ABCA7: variants seen among roughly 807,000 people sequenced by gnomAD.
ABCA7 encodes ATP binding cassette subfamily A member 7.
Under a neutral mutation model 227.6 loss-of-function variants are expected in ABCA7, and 261 were observed. The observed-to-expected ratio is 1.15, with a 90% confidence interval of 1.04 to 1.27. ABCA7 has a LOEUF of 1.27. Ranked by LOEUF, ABCA7 falls within the 50% of genes most tolerant of loss-of-function variation. The pLI, the probability that ABCA7 is intolerant of heterozygous loss-of-function variation, is 0.00. For synonymous variants in ABCA7, 1,488 were observed against 1,279.7 expected, an observed-to-expected ratio of 1.16 and a Z score of -3.47; for missense variants, 3,331 against 2,924.5, an observed-to-expected ratio of 1.14 and a Z score of -3.21.
intron 24 of ABCA7, 44 bp downstream of exon 24, chr19:1,053,575 T>G: frequency 1.3e-6 from 2 of 1,541,218 alleles, no homozygotes; most frequent in Non-Finnish European, 1.7e-6. Context: ...GGAGGAGGGC[T>G]TCCTGGAGGA....
chr19:1,059,077 C>T lies in ABCA7; in HGVS notation c.5455C>T (p.Pro1819Ser), dbSNP rs769453184. 3.1e-6 allele frequency: 5 copies of T among 1,613,096 alleles called. No homozygotes were observed. The South Asian group carries it at 4.4e-5, about 14-fold the overall frequency. ...TGACCGCTTGTGCCTGGGGATTCCC[C>T]CTGGTGAGGTGAGTCCAGGGGTGGA... ...AVDRLCLGIP[P>S]GECFGLLGVN... Residue 1819 changes from proline to serine, a missense_variant, in exon 40 of 47, where the codon CCT (proline) becomes TCT (serine). Transcript: ENST00000263094.
chr19:1,050,009 C>G (rs1289562313), intron 18 of ABCA7, among the ~76,000 whole-genome samples: 4 of 131,676 alleles, frequency 3.0e-5, no homozygotes, highest in Non-Finnish European at 1.6e-5. Context: ...GTGAGCCCCC[C>G]ACCACTTCCT....
chr19:1,049,128 A>T, intron 17 of ABCA7, 123 bp downstream of exon 17: 2 of 1,083,206 alleles, frequency 1.8e-6, no homozygotes, highest in Non-Finnish European at 2.7e-6. Context: ...TGCCCTGAAG[A>T]CACTGCGGTC....
intron 42 of ABCA7, among the ~76,000 whole-genome samples, chr19:1,062,575 C>G (rs2042731697): frequency 3.3e-5 from 5 of 152,172 alleles, no homozygotes; most frequent in African/African-American, 1.2e-4. Context: ...CACGTTGCCC[C>G]TCTCTCCTTG....
intron 42 of ABCA7, among the ~76,000 whole-genome samples, chr19:1,063,184 G>A (rs1245001355): frequency 2.0e-5 from 2 of 102,068 alleles, no homozygotes; most frequent in Admixed American, 2.1e-4. Flanking sequence ...CCATGGCCCC[G>A]CCCCATACTC....
rs527315303 is a variant in ABCA7 at position 1,063,910 on chromosome 19, C to G, written c.5951+47C>G. The G allele has an allele frequency of 6.3e-5, 93 of 1,482,724 alleles. No homozygotes were observed. The African/African-American group carries it at 1.2e-3, about 20-fold the overall frequency. The allele number at this position is 1,482,724 out of a possible 1,614,324, so 91.8% of individuals were successfully genotyped here. A position where few individuals can be genotyped will look rare whatever the true frequency, so the allele number is the denominator to read the frequency against. Reference sequence around the variant, plus strand: ...TGGGCTGTGGTTAAGGTGATCCAGGCCTGGAGAGAGAGCCCCAAAGCACAA... The same window carrying G: ...TGGGCTGTGGTTAAGGTGATCCAGGGCTGGAGAGAGAGCCCCAAAGCACAA... On this transcript the variant is annotated intron_variant, in intron 44 of 46. Transcript: ENST00000263094.
chr19:1,054,520 G>A lies in ABCA7; in HGVS notation c.3727-50G>A. 2 of 1,589,798 alleles carry A rather than the reference G, an allele frequency of 1.3e-6. No individual in the cohort carries two copies. The highest frequency in any genetic ancestry group is 1.7e-6 in the Non-Finnish European group (2 of 1,165,666). On this transcript the variant is annotated intron_variant, in intron 27 of 46. Transcript: ENST00000263094. This position sits in a 1 kb window ranked among gnomAD's most constrained non-coding sequence, Gnocchi z 4.8. Reference sequence around the variant, plus strand: ...AGAGCAGGAGCAGGGACAGGTGCAAGCAAGCCTGGAGGGTGGATGGAAGCA... The same window carrying A: ...AGAGCAGGAGCAGGGACAGGTGCAAACAAGCCTGGAGGGTGGATGGAAGCA...
Position 1,051,043 on chromosome 19 carries a change from T to G in ABCA7, c.2675T>G (p.Leu892Arg). 6.2e-7 allele frequency: 1 copy of G among 1,611,384 alleles called. No individual in the cohort carries two copies. Among genetic ancestry groups the G allele is most frequent in the Non-Finnish European group, 8.5e-7 (1 of 1,179,012 alleles). ...GGCGTCTGTCCTCAGTACAACGTGC[T>G]GTTTGACATGTGCGTCTCGGCAGGC... Reference protein sequence around the residue: ...HLGVCPQYNVLFDMLTVDEHV... With the variant: ...HLGVCPQYNVRFDMLTVDEHV... Residue 892 changes from leucine to arginine, a missense_variant, in exon 19 of 47, where the codon CTG (leucine) becomes CGG (arginine). Physicochemically the swap from Leu to Arg is moderately radical, Grantham distance 102 (BLOSUM62 -2). Transcript: ENST00000263094.
intron 21 of ABCA7, 133 bp downstream of exon 21, chr19:1,051,719 A>G (rs1182336373): frequency 9.5e-7 from 1 of 1,057,986 alleles, no homozygotes; most frequent in Non-Finnish European, 1.3e-6. Flanking sequence ...TTTAGGGGCT[A>G]CTGCTCAAAT....
At chr19:1,044,851 G>C in intron 11 of ABCA7, 107 bp downstream of exon 11, 1 of 1,471,464 alleles carries the variant, frequency 6.8e-7, no homozygotes, top group Non-Finnish European at 9.0e-7. Flanking sequence ...GCCCTAGTAA[G>C]AGCCTGGGAT....
chr19:1,051,630 G>A (rs752479172), intron 21 of ABCA7, 44 bp downstream of exon 21: 5 of 1,574,034 alleles, frequency 3.2e-6, no homozygotes, highest in Non-Finnish European at 4.3e-6. Context: ...AAAGGCTTCT[G>A]ACAAGGAAGT....
Position 1,057,996 on chromosome 19 carries a change from A to G in ABCA7, c.4962A>G (p.Ile1654Met), listed in dbSNP as rs372378216. 3.7e-6 allele frequency: 6 copies of G among 1,614,016 alleles called. No individual in the cohort carries two copies. The highest frequency in any genetic ancestry group is 5.1e-6 in the Non-Finnish European group (6 of 1,180,018). Residue 1654 changes from isoleucine to methionine, a missense_variant, in exon 36 of 47, where the codon ATA becomes ATG. By Grantham distance (10) the Ile-to-Met change is conservative. Coordinates refer to ENST00000263094, the MANE Select transcript of ABCA7 (RefSeq NM_019112.4). ...CAGCCTATGTGGTGCTCACCTGCAT[A>G]AACCTCTTTATTGGCATCAATGGAA... is the stretch of plus-strand genomic sequence containing the variant. ...PSTAYVVLTCINLFIGINGSM... is the reference protein window; with the variant it reads ...PSTAYVVLTCMNLFIGINGSM...
At chr19:1,055,019 C>G in intron 29 of ABCA7, 78 bp from the exon 30 acceptor site, 1 of 1,532,942 alleles carries the variant, frequency 6.5e-7, no homozygotes, top group Non-Finnish European at 8.8e-7. Context: ...GCTCCAGGAA[C>G]CCCCAGAAGC....
At position 1,041,210 on chromosome 19, in the gene ABCA7, C is replaced by CCTCG. The variant is rs141775393; in HGVS notation, c.-137-11_-137-8dup. 9 of 800,828 alleles carry CCTCG rather than the reference C, an allele frequency of 1.1e-5. No homozygotes were observed. Among genetic ancestry groups the CCTCG allele is most frequent in the Non-Finnish European group, 1.7e-5 (8 of 470,686 alleles). 49.6% of individuals were successfully genotyped at this position (800,828 alleles called of 1,614,324 possible). The stretch of plus-strand genomic sequence containing the variant: ...CTCTTTATCGAGTGACTACTGTTTG[C>CCTCG]CTCGCTCTAATCAGAGCTTCCAGGA... On this transcript the variant is annotated splice_polypyrimidine_tract_variant and intron_variant, in intron 1 of 46. Transcript: ENST00000263094.
intron 12 of ABCA7, among the ~76,000 whole-genome samples, 154 bp from the exon 13 acceptor site, chr19:1,046,076 C>G (rs776268069): frequency 6.6e-6 from 1 of 152,184 alleles, no homozygotes; most frequent in Non-Finnish European, 1.5e-5. Flanking sequence ...TCGTTTGATC[C>G]CGGGAGGTCA....
In ABCA7 at chr19:1,056,413, C is replaced by G. The variant is rs894311493; in HGVS notation, c.4500C>G (p.Pro1500=). The change falls in exon 33 of 47, where the codon CCC becomes CCG. Residue 1500 remains proline, a synonymous_variant. Coordinates refer to ENST00000263094, the MANE Select transcript of ABCA7 (RefSeq NM_019112.4). The surrounding 1 kb of genome is among the most constrained non-coding windows in gnomAD (Gnocchi z 4.3). The part of the protein sequence containing the change: ...ASNAILRAHL[P]PGPARHAHSI... ...ACGCAATCCTCCGTGCTCACCTGCC[C>G]CCAGGCCCGGCCCGCCACGCCCACA... 6.2e-7 allele frequency: 1 copy of G among 1,613,482 alleles called. No homozygotes were observed. Among genetic ancestry groups the G allele is most frequent in the Non-Finnish European group, 8.5e-7 (1 of 1,180,008 alleles).
intron 35 of ABCA7, 123 bp downstream of exon 35, chr19:1,057,552 C>T (rs2042360021): frequency 3.0e-6 from 3 of 992,104 alleles, no homozygotes; most frequent in South Asian, 1.4e-5. Context: ...TGAGGTGATG[C>T]CGTGTGTGAT....
chr19:1,064,866 G>C (rs1302818471), intron 45 of ABCA7, 65 bp from the exon 46 acceptor site: 3 of 1,507,982 alleles, frequency 2.0e-6, no homozygotes, highest in Non-Finnish European at 2.7e-6. Context: ...TTAGGGGCTG[G>C]AGGGTGAGCT....
chr19:1,061,921 A>G (rs7251375), intron 41 of ABCA7, 33 bp downstream of exon 41: 105,876 of 1,527,474 alleles, frequency 0.069, 9,234 homozygotes, highest in African/African-American at 0.44. Context: ...AGGGTGGGGC[A>G]GGGTTGGCCC....
Sources: gnomAD v4.1 joint callset for allele counts (sites outside exome capture counted in the v4.1 genomes callset) on GRCh38, gnomAD v4.1.1 for gene constraint, Gnocchi (gnomAD v3.1) non-coding constraint, MANE v1.5 for transcripts, NCBI Gene and HGNC (gene_info 2026-07-23, HGNC 2026-07-21) for gene names.